Variants in TDRD1 observed in about 807,000 individuals in gnomAD.
The protein encoded by TDRD1 is tudor domain containing 1.
In TDRD1, 37 loss-of-function variants were observed where a neutral mutation model predicts 140.6. The ratio of observed to expected loss-of-function variants is 0.26; its 90% CI spans 0.20 to 0.35. The LOEUF (loss-of-function observed/expected upper bound fraction) is 0.35. Among genes scored for constraint, TDRD1 ranks in the 10% least tolerant of loss-of-function variants. The pLI is 1.00. For missense variants in TDRD1, 1,243 were observed against 1,393.0 expected (o/e 0.89, Z 1.71); for synonymous variants, 506 against 475.7 (o/e 1.06, Z -0.83).
At chr10:114,220,488 A>G (rs995041448) in intron 18 of TDRD1, 80 bp from the exon 19 acceptor site, 4 of 965,240 alleles carry the variant, frequency 4.1e-6, no homozygotes, top group Non-Finnish European at 6.4e-6. Context: ...AAACTTGGCA[A>G]AGACCTGGTG....
chr10:114,220,948 T>A lies in TDRD1; in HGVS notation c.2770+105T>A, dbSNP rs189485228. 178 of 702,882 alleles carry A rather than the reference T, an allele frequency of 2.5e-4. No homozygotes were observed. The African/African-American group carries it at 2.9e-3, about 11-fold the overall frequency. The allele number at this position is 702,882 out of a possible 1,614,324, so 43.5% of individuals were successfully genotyped here. On this transcript the variant is annotated intron_variant, in intron 19 of 25. Coordinates refer to ENST00000251864, the Ensembl canonical transcript of TDRD1. ...TGACAGTTTTCCTGTAGAGATATGC[T>A]TTACGGACATAGATTAGTAGGTTAA...
Position 114,199,172 on chromosome 10 carries a change from G to A in TDRD1, c.385-1G>A, listed in dbSNP as rs746542884. The stretch of plus-strand genomic sequence containing the variant: ...ACATTGCTCTTCTTTGTTCTTAATA[G>A]AAGCCTGGAAATAATGTACGTCCTG... On this transcript the variant is annotated splice_acceptor_variant, in intron 3 of 25. Coordinates refer to ENST00000251864, the Ensembl canonical transcript of TDRD1. LOFTEE classifies it high-confidence loss of function. The A allele has an allele frequency of 1.2e-6, 2 of 1,607,496 alleles. No individual in the cohort carries two copies. Among genetic ancestry groups the A allele is most frequent in the East Asian group, 2.2e-5 (1 of 44,844 alleles).
exon 5 of TDRD1, chr10:114,201,488 G>A (rs2034736100): frequency 6.2e-7 from 1 of 1,613,252 alleles, no homozygotes. Flanking sequence ...TCTGCACACA[G>A]CATCGTGTGC....
chr10:114,229,085 A>T (rs566251091), intron 25 of TDRD1, among the ~76,000 whole-genome samples: 1 of 15,328 alleles, frequency 6.5e-5, no homozygotes, highest in South Asian at 6.0e-3. Context: ...TGTCTCAAAA[A>T]CAAAACAAAA....
chr10:114,188,870 CAAAAT>C (rs1343640814), intron 2 of TDRD1, among the ~76,000 whole-genome samples: 1 of 39,926 alleles, frequency 2.5e-5, no homozygotes, highest in East Asian at 7.2e-4. Context: ...CAAAATAAAA[CAAAAT>C]GAAAAAAAAA....
intron 9 of TDRD1, 39 bp downstream of exon 9, chr10:114,204,255 CA>C (rs1367982639): frequency 1.3e-6 from 2 of 1,553,144 alleles, no homozygotes; most frequent in African/African-American, 2.8e-5. Context: ...AATAGTGTCC[CA>C]AAGGAGCTGT....
At chr10:114,202,601 T>A (rs1336091832) in intron 6 of TDRD1, among the ~76,000 whole-genome samples, 1 of 152,188 alleles carries the variant, frequency 6.6e-6, no homozygotes, top group East Asian at 1.9e-4. Context: ...TAAGGAGGAT[T>A]TTTTTTCTGA....
chr10:114,211,825 A>G (rs759704218), intron 13 of TDRD1, 41 bp from the exon 14 acceptor site: 1 of 1,476,946 alleles, frequency 6.8e-7, no homozygotes, highest in Non-Finnish European at 8.9e-7. Flanking sequence ...TTACATCTAC[A>G]GTGGAAAAAT....
intron 18 of TDRD1, among the ~76,000 whole-genome samples, chr10:114,219,612 G>A (rs1304395683): frequency 2.7e-5 from 4 of 148,674 alleles, no homozygotes; most frequent in African/African-American, 4.9e-5. Context: ...TTTGAGATGG[G>A]GTTTCACTGT....
In TDRD1 at chr10:114,193,393, AGCGATTCTCCT is replaced by A. The variant is rs778143359; in HGVS notation, c.384+2377_384+2387del. Among the ~76,000 whole-genome samples, 38 of 149,516 alleles carry A rather than the reference AGCGATTCTCCT, an allele frequency of 2.5e-4. No homozygotes were observed. In the South Asian group the frequency reaches 4.6e-3, roughly 18 times the overall value. ...CTGCAACCTCTGCCTCCCTGGTTCA[AGCGATTCTCCT>A]GCCTCAGCCTCCCAAGTAGCTGTGA... On this transcript the variant is annotated intron_variant, in intron 3 of 25. Coordinates refer to ENST00000251864, the Ensembl canonical transcript of TDRD1.
At chr10:114,219,747 C>T (rs1223604721) in intron 18 of TDRD1, among the ~76,000 whole-genome samples, 1 of 151,910 alleles carries the variant, frequency 6.6e-6, no homozygotes, top group Admixed American at 6.6e-5. Flanking sequence ...TGTGCCACCA[C>T]GCCCAACTAA....
intron 8 of TDRD1, 23 bp from the exon 9 acceptor site, chr10:114,204,050 G>T: frequency 6.3e-7 from 1 of 1,590,930 alleles, no homozygotes; most frequent in South Asian, 1.2e-5. Flanking sequence ...ATGAAGCAGA[G>T]TACCATTATA....
intron 1 of TDRD1, among the ~76,000 whole-genome samples, chr10:114,182,752 C>T (rs1250441674): frequency 6.7e-6 from 1 of 149,944 alleles, no homozygotes; most frequent in Non-Finnish European, 1.5e-5. Flanking sequence ...GTGGCGTGAT[C>T]TCAGCTCACT....
At chr10:114,218,255 C>G (rs904084219) in intron 17 of TDRD1, among the ~76,000 whole-genome samples, 159 bp from the exon 18 acceptor site, 36 of 152,094 alleles carry the variant, frequency 2.4e-4, no homozygotes, top group African/African-American at 8.7e-4. Flanking sequence ...TTCTTTCATT[C>G]TAGAGATTTT....
chr10:114,221,526 A>G (rs2036145671), intron 20 of TDRD1, 50 bp downstream of exon 20: 1 of 1,560,082 alleles, frequency 6.4e-7, no homozygotes, highest in African/African-American at 1.4e-5. Flanking sequence ...TTAAACTGTA[A>G]AACGAAAGTG....
At chr10:114,231,112 G>A (rs1031669397) in intron 25 of TDRD1, among the ~76,000 whole-genome samples, 1 of 152,198 alleles carries the variant, frequency 6.6e-6, no homozygotes, top group African/African-American at 2.4e-5. Context: ...ATCATCTGGA[G>A]AAATTTAATT....
At chr10:114,184,302 A>T (rs1442789211) in intron 1 of TDRD1, among the ~76,000 whole-genome samples, 1 of 152,138 alleles carries the variant, frequency 6.6e-6, no homozygotes, top group African/African-American at 2.4e-5. Flanking sequence ...CCTGCAAATA[A>T]CAGCTTATTT....
chr10:114,210,443 A>G (rs2133057315), intron 11 of TDRD1, 138 bp from the exon 12 acceptor site: 1 of 799,540 alleles, frequency 1.3e-6, no homozygotes, highest in Non-Finnish European at 1.9e-6. Flanking sequence ...AAGAAACACC[A>G]TGACCTCTCA....
chr10:114,220,021 A>T (rs1222456763), intron 18 of TDRD1, among the ~76,000 whole-genome samples: 1 of 152,220 alleles, frequency 6.6e-6, no homozygotes, highest in Non-Finnish European at 1.5e-5. Flanking sequence ...ACCCAGACCT[A>T]CCAAAATTAG....
Sources: allele counts gnomAD v4.1 joint callset (sites outside exome capture counted in the v4.1 genomes callset), GRCh38; gene constraint gnomAD v4.1.1; transcripts MANE v1.5; gene names NCBI Gene and HGNC (gene_info 2026-07-23, HGNC 2026-07-21).